SHROOM4: variants seen among roughly 807,000 people sequenced by gnomAD.
SHROOM4 encodes shroom family member 4.
A neutral mutation model predicts 80.3 loss-of-function variants in SHROOM4; 17 were observed. The observed-to-expected ratio is 0.21, with a 90% CI of 0.14 to 0.32. SHROOM4 has a LOEUF of 0.32. Among genes scored for constraint, SHROOM4 ranks in the 10% least tolerant of loss-of-function variants. The pLI is 1.00. For synonymous variants in SHROOM4, 400 were observed against 437.5 expected, an observed-to-expected ratio of 0.91 and a Z score of 1.07; for missense variants, 993 against 1,140.3, an observed-to-expected ratio of 0.87 and a Z score of 1.86.
At chrX:50,621,138 T>C (rs1414947879) in intron 5 of SHROOM4, among the ~76,000 whole-genome samples, 3 of 112,085 alleles carry the variant, frequency 2.7e-5, no homozygotes, top group African/African-American at 9.7e-5. Context: ...GTGATATGAA[T>C]CTAAGTTAAT....
chrX:50,807,162 C>G (rs1473387430), intron 1 of SHROOM4, among the ~76,000 whole-genome samples: 1 of 112,287 alleles, frequency 8.9e-6, no homozygotes, highest in African/African-American at 3.2e-5. Context: ...CTCCAATCCA[C>G]TCCCTGATCG....
At chrX:50,810,456 C>T (rs180705998) in intron 1 of SHROOM4, among the ~76,000 whole-genome samples, 250 of 111,476 alleles carry the variant, frequency 2.2e-3, no homozygotes, top group African/African-American at 7.6e-3. Flanking sequence ...TGATGCAAAC[C>T]GCTTCTGGTT....
intron 2 of SHROOM4, among the ~76,000 whole-genome samples, chrX:50,695,334 A>G (rs1405520987): frequency 9.0e-6 from 1 of 111,360 alleles, no homozygotes; most frequent in African/African-American, 3.3e-5. Flanking sequence ...ACATGTGTAT[A>G]TTTTGTCCCC....
intron 2 of SHROOM4, among the ~76,000 whole-genome samples, chrX:50,685,199 G>C (rs996824923): frequency 8.9e-6 from 1 of 111,880 alleles, no homozygotes; most frequent in Non-Finnish European, 1.9e-5. Context: ...CACTGCACAG[G>C]GAGCTCAGAA....
intron 5 of SHROOM4, among the ~76,000 whole-genome samples, chrX:50,612,398 A>T (rs1339273085): frequency 8.9e-6 from 1 of 112,091 alleles, no homozygotes; most frequent in East Asian, 2.8e-4. Context: ...AAAAAAGTAT[A>T]AATTTGACCA....
At chrX:50,586,106 A>C (rs1928754214), downstream of SHROOM4, among the ~76,000 whole-genome samples, 1 of 112,075 alleles carries the variant, frequency 8.9e-6, no homozygotes, top group Admixed American at 9.5e-5. Flanking sequence ...ATAGTCATTT[A>C]TGAGACTTCT....
chrX:50,575,802 A>G, the SHROOM4 span, among the ~76,000 whole-genome samples: 16 of 112,179 alleles, frequency 1.4e-4, no homozygotes, highest in African/African-American at 4.2e-4. Context: ...TATTTAAATA[A>G]TTTCTAGTAA....
intron 6 of SHROOM4, among the ~76,000 whole-genome samples, chrX:50,605,129 C>A (rs1480894051): frequency 8.9e-6 from 1 of 111,937 alleles, no homozygotes; most frequent in African/African-American, 3.2e-5. Flanking sequence ...ATAGAATCTT[C>A]TTCAAGAGCC....
intron 1 of SHROOM4, among the ~76,000 whole-genome samples, chrX:50,787,067 A>G (rs782061415): frequency 9.1e-6 from 1 of 109,969 alleles, no homozygotes; most frequent in Non-Finnish European, 1.9e-5. Flanking sequence ...AAAAATTTAA[A>G]AAGTTAGCCT....
intron 2 of SHROOM4, among the ~76,000 whole-genome samples, chrX:50,667,095 TCTCA>T (rs1223170855): frequency 9.0e-6 from 1 of 111,363 alleles, no homozygotes; most frequent in Non-Finnish European, 1.9e-5. Context: ...AGATTGGAGC[TCTCA>T]CTCAGGATAG....
At chrX:50,644,990 T>C (rs1326802769) in intron 2 of SHROOM4, among the ~76,000 whole-genome samples, 1 of 112,182 alleles carries the variant, frequency 8.9e-6, no homozygotes, top group African/African-American at 3.2e-5. Context: ...GAGGTACCAT[T>C]AGCAATAAGA....
intron 1 of SHROOM4, among the ~76,000 whole-genome samples, chrX:50,802,208 T>C (rs1557272666): frequency 1.8e-5 from 2 of 112,401 alleles, no homozygotes; most frequent in African/African-American, 6.5e-5. Flanking sequence ...TCTGTTCTAC[T>C]ATCTTTGGGG....
chrX:50,770,512 T>G (rs1289833285), intron 1 of SHROOM4, among the ~76,000 whole-genome samples: 1 of 111,930 alleles, frequency 8.9e-6, no homozygotes, highest in Non-Finnish European at 1.9e-5. Context: ...GCAGAGAGAA[T>G]TCAGGAAACA....
intron 6 of SHROOM4, among the ~76,000 whole-genome samples, chrX:50,604,789 T>C (rs1929594655): frequency 8.9e-6 from 1 of 111,948 alleles, no homozygotes; most frequent in South Asian, 3.8e-4. Flanking sequence ...AGGTGGTCTA[T>C]GTAGTAAACA....
At chrX:50,809,076 T>C (rs899862548) in intron 1 of SHROOM4, among the ~76,000 whole-genome samples, 1 of 111,071 alleles carries the variant, frequency 9.0e-6, no homozygotes, top group Non-Finnish European at 1.9e-5. Context: ...GGGCAGCAGG[T>C]GGGAAACTGA....
chrX:50,686,826 A>T (rs1569547623), intron 2 of SHROOM4, among the ~76,000 whole-genome samples: 1 of 111,643 alleles, frequency 9.0e-6, no homozygotes, highest in African/African-American at 3.3e-5. Flanking sequence ...GAATGTGTCT[A>T]TGTTATTCTC....
chrX:50,662,821 T>C lies in SHROOM4; in HGVS notation c.270-24513A>G, dbSNP rs60408460. On this transcript the variant is annotated intron_variant, in intron 2 of 8. Coordinates refer to ENST00000376020, the MANE Select transcript of SHROOM4 (RefSeq NM_020717.5). ...AGAAAAGGAGAAGAAACTACGCTCC[T>C]TGGATTTTTTTTCAATCTGGAAGAC... 8.5e-3 allele frequency among the ~76,000 whole-genome samples: 946 copies of C among 110,971 alleles called. 9 individuals are homozygous for C. Among genetic ancestry groups the C allele is most frequent in the African/African-American group, 0.029 (893 of 30,518 alleles).
At chrX:50,650,497 C>T (rs192446202) in intron 2 of SHROOM4, among the ~76,000 whole-genome samples, 7 of 109,892 alleles carry the variant, frequency 6.4e-5, no homozygotes, top group East Asian at 5.8e-4. Context: ...ACTGCAGGCA[C>T]GTGCCACCAC....
chrX:50,687,285 A>ATTTTTTTTTTTTT (rs1557262325), intron 2 of SHROOM4: 11 of 92,810 alleles, frequency 1.2e-4, no homozygotes, highest in African/African-American at 7.2e-4. Context: ...TTTTTTTTTA[A>ATTTTTTTTTTTTT]AAACAGCTAT....
Sources: gnomAD v4.1 joint callset for allele counts (sites outside exome capture counted in the v4.1 genomes callset) on GRCh38, gnomAD v4.1.1 for gene constraint, MANE v1.5 for transcripts, NCBI Gene and HGNC (gene_info 2026-07-23, HGNC 2026-07-21) for gene names.